Variants in FAM227B observed in about 807,000 individuals in gnomAD.
The protein encoded by FAM227B is family with sequence similarity 227 member B.
A neutral mutation model predicts 73.8 loss-of-function variants in FAM227B; 88 were observed. The ratio of observed to expected loss-of-function variants is 1.19; its 90% CI spans 1.00 to 1.42. The LOEUF is 1.42. FAM227B is among the 40% of genes most tolerant of loss of function. The pLI is 0.00. For synonymous variants in FAM227B, 210 were observed against 190.5 expected (o/e 1.10, Z -0.84); for missense variants, 632 against 590.9 (o/e 1.07, Z -0.72).
intron 8 of FAM227B, among the ~76,000 whole-genome samples, chr15:49,572,873 C>G (rs1438287217): frequency 6.6e-6 from 1 of 152,038 alleles, no homozygotes. Context: ...TTAGAATTCT[C>G]AAATAACCAA....
intron 3 of FAM227B, among the ~76,000 whole-genome samples, chr15:49,607,558 A>G (rs1308475773): frequency 6.6e-6 from 1 of 152,212 alleles, no homozygotes; most frequent in Non-Finnish European, 1.5e-5. Flanking sequence ...AAAAGATGTT[A>G]TAATATGTAC....
At chr15:49,402,335 T>C (rs1014665420) in intron 11 of FAM227B, among the ~76,000 whole-genome samples, 1 of 152,210 alleles carries the variant, frequency 6.6e-6, no homozygotes, top group Admixed American at 6.5e-5. Flanking sequence ...CTGTGAAGAA[T>C]GTCAATGTCA....
intron 15 of FAM227B, chr15:49,330,742 C>T (rs62012165): frequency 7.8e-6 from 1 of 128,950 alleles, no homozygotes; most frequent in African/African-American, 3.4e-5. Flanking sequence ...GGAAGATAGA[C>T]CAAAAAAAAA....
chr15:49,615,933 T>C (rs900925313), intron 1 of FAM227B, among the ~76,000 whole-genome samples: 3 of 152,180 alleles, frequency 2.0e-5, no homozygotes, highest in African/African-American at 7.2e-5. Context: ...AAGGCTATTA[T>C]GGTCTCAAAA....
In FAM227B at chr15:49,564,313, A is replaced by G. The variant is rs182655407; in HGVS notation, c.747+3932T>C. On this transcript the variant is annotated intron_variant, in intron 9 of 15. Transcript: ENST00000299338. ...CTATCTCACATCAATCTGAGTGTGC[A>G]TTATTAAAGAGTCAAAAACAATGGA... 5.9e-4 allele frequency among the ~76,000 whole-genome samples: 90 copies of G among 152,334 alleles called. 1 individual carries two copies. The highest frequency in any genetic ancestry group is 4.8e-3 in the Admixed American group (74 of 15,298).
At chr15:49,473,640 G>C (rs1385672418) in intron 11 of FAM227B, among the ~76,000 whole-genome samples, 2 of 152,016 alleles carry the variant, frequency 1.3e-5, no homozygotes, top group Non-Finnish European at 2.9e-5. Flanking sequence ...TATTTATGGA[G>C]CACTATTTAC....
intron 11 of FAM227B, among the ~76,000 whole-genome samples, chr15:49,380,508 A>T (rs1372471235): frequency 1.3e-5 from 2 of 152,220 alleles, no homozygotes; most frequent in African/African-American, 4.8e-5. Flanking sequence ...CAAATGAAAC[A>T]CTAAGTAAAC....
chr15:49,336,563 T>C (rs1419657319), intron 13 of FAM227B, among the ~76,000 whole-genome samples: 1 of 152,228 alleles, frequency 6.6e-6, no homozygotes, highest in Non-Finnish European at 1.5e-5. Context: ...TCTCTGAATA[T>C]AGTTTGCCCA....
At chr15:49,467,761 A>G (rs892961762) in intron 11 of FAM227B, among the ~76,000 whole-genome samples, 6 of 152,168 alleles carry the variant, frequency 3.9e-5, no homozygotes, top group African/African-American at 4.8e-5. Flanking sequence ...GAGTAAACAA[A>G]GAGTATTTCC....
chr15:49,378,231 T>G (rs1269845043), intron 11 of FAM227B, among the ~76,000 whole-genome samples: 2 of 152,078 alleles, frequency 1.3e-5, no homozygotes, highest in East Asian at 3.8e-4. Context: ...TCTGTTTTTA[T>G]GCCAGTACCA....
chr15:49,542,472 A>G (rs2071213476), intron 9 of FAM227B, among the ~76,000 whole-genome samples: 1 of 151,850 alleles, frequency 6.6e-6, no homozygotes, highest in African/African-American at 2.4e-5. Context: ...TTTATCCCTC[A>G]TCTCCCTCCC....
rs566621905 is a variant in FAM227B, at chr15:49,381,400, C to T, written c.1013-10001G>A. ...TGTGTGGCTGGAATGCCAGGAGATA[C>T]AGCAATTATCTTGTGACAATATAAA... On this transcript the variant is annotated intron_variant, in intron 11 of 15. Coordinates refer to ENST00000299338, the MANE Select transcript of FAM227B (RefSeq NM_152647.3). Among the ~76,000 whole-genome samples the T allele has an allele frequency of 9.2e-4, 140 of 152,264 alleles. 5 individuals are homozygous for T. In the South Asian group the frequency reaches 0.028, roughly 30 times the overall value.
At chr15:49,591,306 G>A (rs1311754733) in intron 3 of FAM227B, among the ~76,000 whole-genome samples, 1 of 150,822 alleles carries the variant, frequency 6.6e-6, no homozygotes, top group Non-Finnish European at 1.5e-5. Context: ...ACCTGACCCC[G>A]TAATCCGCCT....
intron 11 of FAM227B, among the ~76,000 whole-genome samples, chr15:49,491,581 C>T (rs2057100927): frequency 6.6e-6 from 1 of 151,838 alleles, no homozygotes; most frequent in Non-Finnish European, 1.5e-5. Flanking sequence ...TCAATCCATA[C>T]CCTGCTCTGC....
At chr15:49,338,794 G>T (rs2040217252) in intron 13 of FAM227B, among the ~76,000 whole-genome samples, 1 of 152,030 alleles carries the variant, frequency 6.6e-6, no homozygotes, top group African/African-American at 2.4e-5. Flanking sequence ...TTTTCACATA[G>T]TCCCATATTT....
At chr15:49,430,915 G>GAC (rs1193798307) in intron 11 of FAM227B, among the ~76,000 whole-genome samples, 2 of 151,720 alleles carry the variant, frequency 1.3e-5, no homozygotes, top group African/African-American at 4.8e-5. Flanking sequence ...TCAGAGAAAA[G>GAC]ACATAAAGCT....
intron 9 of FAM227B, among the ~76,000 whole-genome samples, chr15:49,566,775 T>C (rs951503901): frequency 1.2e-4 from 18 of 152,216 alleles, no homozygotes; most frequent in Non-Finnish European, 4.4e-5. Context: ...AAGTACATCT[T>C]GTCTGTTCTC....
chr15:49,608,573 C>T (rs529042453), intron 3 of FAM227B, among the ~76,000 whole-genome samples: 3 of 151,868 alleles, frequency 2.0e-5, no homozygotes, highest in East Asian at 1.9e-4. Flanking sequence ...TTATATTAAG[C>T]TTTGATATAA....
chr15:49,553,674 C>T (rs891916045), intron 9 of FAM227B, among the ~76,000 whole-genome samples: 7 of 152,330 alleles, frequency 4.6e-5, no homozygotes, highest in African/African-American at 1.7e-4. Context: ...CCTGTAGCCA[C>T]TGTCACACCA....
Sources: gnomAD v4.1 joint callset for allele counts (sites outside exome capture counted in the v4.1 genomes callset) on GRCh38, gnomAD v4.1.1 for gene constraint, MANE v1.5 for transcripts, NCBI Gene and HGNC (gene_info 2026-07-23, HGNC 2026-07-21) for gene names.